DTNB: variants seen among roughly 807,000 people sequenced by gnomAD.
DTNB encodes dystrobrevin beta.
A neutral mutation model predicts 90.7 loss-of-function variants in DTNB; 63 were observed. The ratio of observed to expected loss-of-function variants is 0.69; its 90% confidence interval spans 0.57 to 0.86. The LOEUF (loss-of-function observed/expected upper bound fraction) is 0.86. Ranked by LOEUF, DTNB falls within the 40% of genes least tolerant of loss-of-function variation. The pLI is 0.00. For synonymous variants in DTNB, 277 were observed against 286.7 expected, an observed-to-expected ratio of 0.97 and a Z score of 0.34; for missense variants, 744 against 807.1, an observed-to-expected ratio of 0.92 and a Z score of 0.95.
At chr2:25,397,119 T>C (rs967368170) in intron 16 of DTNB, among the ~76,000 whole-genome samples, 1 of 149,044 alleles carries the variant, frequency 6.7e-6, no homozygotes, top group African/African-American at 2.5e-5. Context: ...TTCCTAGGTA[T>C]ATATCCATGA....
intron 10 of DTNB, among the ~76,000 whole-genome samples, chr2:25,473,030 AC>A (rs1324967640): frequency 6.6e-6 from 1 of 152,228 alleles, no homozygotes; most frequent in Non-Finnish European, 1.5e-5. Context: ...AAGAAGATCC[AC>A]TGGCAAGTTT....
chr2:25,549,008 G>A (rs1005384932), intron 8 of DTNB, among the ~76,000 whole-genome samples: 3 of 151,994 alleles, frequency 2.0e-5, no homozygotes, highest in African/African-American at 2.4e-5. Context: ...AGTCTCCCTC[G>A]GTCCATCCCA....
chr2:25,394,616 C>A (rs2041953716), intron 16 of DTNB, among the ~76,000 whole-genome samples: 3 of 152,008 alleles, frequency 2.0e-5, no homozygotes, highest in Admixed American at 1.3e-4. Context: ...TACAAATGGC[C>A]AACAAGTATA....
chr2:25,471,472 T>C (rs890547997), intron 10 of DTNB, among the ~76,000 whole-genome samples: 8 of 151,846 alleles, frequency 5.3e-5, no homozygotes, highest in Non-Finnish European at 1.0e-4. Context: ...AATTGCTCAC[T>C]GAAACCTCCG....
At chr2:25,573,377 T>C (rs1278739239) in intron 8 of DTNB, among the ~76,000 whole-genome samples, 1 of 152,196 alleles carries the variant, frequency 6.6e-6, no homozygotes, top group African/African-American at 2.4e-5. Context: ...ATACCCTTCA[T>C]CTGATCTTTA....
intron 3 of DTNB, 60 bp from the exon 4 acceptor site, chr2:25,628,444 T>C (rs1336331897): frequency 1.8e-5 from 27 of 1,477,272 alleles, no homozygotes; most frequent in Non-Finnish European, 2.5e-5. Flanking sequence ...CCCTTCACAA[T>C]AGGAATCTAA....
chr2:25,577,122 A>G, intron 7 of DTNB, 118 bp from the exon 8 acceptor site: 1 of 1,166,972 alleles, frequency 8.6e-7, no homozygotes, highest in Non-Finnish European at 1.2e-6. Context: ...TACCAAAACT[A>G]ATATAAAAAC....
intron 5 of DTNB, among the ~76,000 whole-genome samples, chr2:25,606,570 T>C (rs915828560): frequency 2.0e-5 from 3 of 152,210 alleles, no homozygotes; most frequent in Non-Finnish European, 2.9e-5. Context: ...AGCACAATTC[T>C]TGGCATATCT....
chr2:25,559,537 G>A (rs766101155), intron 8 of DTNB, among the ~76,000 whole-genome samples: 4 of 152,100 alleles, frequency 2.6e-5, no homozygotes, highest in Non-Finnish European at 4.4e-5. Context: ...CCTCCTTCGC[G>A]GAGTCCAACA....
intron 10 of DTNB, among the ~76,000 whole-genome samples, chr2:25,473,957 T>C (rs574882989): frequency 1.0e-3 from 152 of 152,328 alleles, no homozygotes; most frequent in Non-Finnish European, 1.8e-3. Context: ...GATGTGACGC[T>C]TGGTCACGCT....
intron 8 of DTNB, among the ~76,000 whole-genome samples, chr2:25,534,000 TA>T (rs1289389975): frequency 2.0e-5 from 3 of 147,112 alleles, no homozygotes; most frequent in African/African-American, 5.1e-5. Flanking sequence ...ATTTTTTTTT[TA>T]ATTTTTTTTT....
chr2:25,410,700 G>A (rs528126256), intron 16 of DTNB, among the ~76,000 whole-genome samples: 1 of 152,106 alleles, frequency 6.6e-6, no homozygotes, highest in Admixed American at 6.5e-5. Flanking sequence ...TGACGAGGCG[G>A]GGGGGCAATG....
chr2:25,510,685 T>C (rs1350503746), intron 9 of DTNB, among the ~76,000 whole-genome samples: 1 of 152,162 alleles, frequency 6.6e-6, no homozygotes, highest in Non-Finnish European at 1.5e-5. Flanking sequence ...TTTTTGTATT[T>C]TTAGTAAAGA....
intron 10 of DTNB, among the ~76,000 whole-genome samples, chr2:25,468,406 G>C (rs2062170515): frequency 6.6e-6 from 1 of 152,154 alleles, no homozygotes; most frequent in South Asian, 2.1e-4. Context: ...ATGCTTGTCT[G>C]AACTGTCCAT....
At chr2:25,671,906 G>C (rs1199031447) in intron 1 of DTNB, among the ~76,000 whole-genome samples, 2 of 152,130 alleles carry the variant, frequency 1.3e-5, no homozygotes, top group Non-Finnish European at 2.9e-5. Flanking sequence ...AGCCCTTACA[G>C]AAAAGCAGAG....
intron 9 of DTNB, among the ~76,000 whole-genome samples, chr2:25,519,975 A>G (rs991596553): frequency 1.3e-5 from 2 of 152,250 alleles, no homozygotes; most frequent in African/African-American, 4.8e-5. Context: ...ATACTGTGGA[A>G]GACAGTGTTT....
intron 5 of DTNB, among the ~76,000 whole-genome samples, chr2:25,604,539 T>A (rs530430237): frequency 6.2e-4 from 95 of 152,246 alleles, no homozygotes; most frequent in Non-Finnish European, 1.3e-3. Context: ...CCTGAGGAGC[T>A]GGGACCTCAG....
Position 25,523,767 on chromosome 2 carries a change from G to A in DTNB, c.1001+7706C>T, listed in dbSNP as rs150323525. ...CTTTCATATAACTAAAACTCTTTAT[G>A]TCCTCCTAATGCAGTGGTTCTGTAA... On this transcript the variant is annotated intron_variant, in intron 9 of 20. Transcript: ENST00000406818. Among the ~76,000 whole-genome samples, 348 of 151,556 alleles carry A rather than the reference G, an allele frequency of 2.3e-3. 3 individuals carry two copies. The highest frequency in any genetic ancestry group is 1.0e-3 in the Non-Finnish European group (68 of 67,942).
At chr2:25,497,681 C>G (rs560318523) in intron 9 of DTNB, 1 of 152,296 alleles carries the variant, frequency 6.6e-6, no homozygotes, top group Non-Finnish European at 1.5e-5. Flanking sequence ...AGCTGCTGAG[C>G]AGGCTCTGAT....
Sources: allele counts gnomAD v4.1 joint callset (sites outside exome capture counted in the v4.1 genomes callset), GRCh38; gene constraint gnomAD v4.1.1; transcripts MANE v1.5; gene names NCBI Gene and HGNC (gene_info 2026-07-23, HGNC 2026-07-21).